Variants in CHD2 observed in about 807,000 individuals in gnomAD.
The protein encoded by CHD2 is ATP-dependent chromatin remodeler CHD2.
A neutral mutation model predicts 243.9 loss-of-function variants in CHD2; 28 were observed. That is an observed-to-expected ratio of 0.11 (90% confidence interval 0.09 to 0.16). CHD2 has a LOEUF of 0.16. CHD2 is among the 10% of genes least tolerant of loss of function. The probability of loss-of-function intolerance (pLI) is 1.00; values close to 1 mark genes in which losing one functional copy is unlikely to be tolerated. For synonymous variants in CHD2, 775 were observed against 779.0 expected (o/e 0.99, Z 0.09); for missense variants, 1,386 against 2,209.8 (o/e 0.63, Z 7.47).
intron 28 of CHD2, among the ~76,000 whole-genome samples, chr15:92,995,068 T>C (rs1182787834): frequency 6.6e-6 from 1 of 152,202 alleles, no homozygotes; most frequent in African/African-American, 2.4e-5. Context: ...CAAATACCAA[T>C]ACCAATCTTA....
At chr15:92,963,257 T>G (rs1343830748) in intron 16 of CHD2, among the ~76,000 whole-genome samples, 1 of 152,234 alleles carries the variant, frequency 6.6e-6, no homozygotes. Context: ...TGTTCCACTT[T>G]CTCCTTTATT....
rs2053017198 is a variant in CHD2, at chr15:92,924,339, A to G, written c.81A>G (p.Glu27=). The change falls in exon 3 of 39, where the codon GAA becomes GAG. Residue 27 remains glutamate (E), a synonymous_variant. Transcript: ENST00000394196. ...SNASSHSASE[E]ASGSDSGSQS... ...AAATAAGTCACTCAGCCTCTGAAGA[A>G]GCTTCGGGTTCAGACTCAGGCAGTC... The G allele has an allele frequency of 6.2e-6, 10 of 1,613,952 alleles. No homozygotes were observed. In the East Asian group the frequency reaches 2.2e-4, roughly 36 times the overall value.
intron 2 of CHD2, among the ~76,000 whole-genome samples, chr15:92,909,163 C>T (rs1181850191): frequency 1.3e-5 from 2 of 151,982 alleles, no homozygotes; most frequent in African/African-American, 4.8e-5. Context: ...TGGGCTTTCT[C>T]CCCTCAAGAT....
At chr15:92,932,534 A>G (rs1375721826) in intron 5 of CHD2, among the ~76,000 whole-genome samples, 2 of 141,904 alleles carry the variant, frequency 1.4e-5, no homozygotes, top group Non-Finnish European at 3.0e-5. Context: ...ATGAGTGAGA[A>G]CGTGCGGTGT....
intron 2 of CHD2, chr15:92,901,716 C>T: frequency 3.1e-6 from 1 of 319,966 alleles, no homozygotes; most frequent in Non-Finnish European, 5.6e-6. Flanking sequence ...AAACTTGTAA[C>T]TGAGGGCCAT....
In CHD2 at chr15:92,967,627, G is replaced by T. The variant is rs878904579; in HGVS notation, c.2189+114G>T. Reference sequence around the variant, plus strand: ...TTTTTTTTTTTGGAGACAGAGTCTCGCGATTCTGCTGCCTCAGCCTACCGA... The same window carrying T: ...TTTTTTTTTTTGGAGACAGAGTCTCTCGATTCTGCTGCCTCAGCCTACCGA... On this transcript the variant is annotated intron_variant, in intron 17 of 38. Coordinates refer to ENST00000394196, the MANE Select transcript of CHD2 (RefSeq NM_001271.4). The T allele has an allele frequency of 3.9e-5, 25 of 636,510 alleles. No homozygotes were observed. The South Asian group carries it at 6.4e-4, about 16-fold the overall frequency. The allele number at this position is 636,510 out of a possible 1,614,324, so 39.4% of individuals were successfully genotyped here. A position where few individuals can be genotyped will look rare whatever the true frequency, so the allele number is the denominator to read the frequency against.
In CHD2 at chr15:92,942,971, A is replaced by G; in HGVS notation, c.955A>G (p.Ser319Gly). 1 of 1,614,168 alleles carries G rather than the reference A, an allele frequency of 6.2e-7. No homozygotes were observed. The highest frequency in any genetic ancestry group is 2.2e-5 in the East Asian group (1 of 44,874). The change falls in exon 9 of 39, where the codon AGC becomes GGC. Residue 319 changes from serine to glycine, a missense_variant. Ser to Gly is a moderately conservative substitution (Grantham distance 56). This residue lies in a region of CHD2 where 200 missense variants were observed against 292.5 expected (regional missense o/e 0.68). Transcript: ENST00000394196. Reference protein sequence around the residue: ...IKWKGWSYIHSTWESEESLQQ... With the variant: ...IKWKGWSYIHGTWESEESLQQ... ...GTGGAAGGGTTGGTCTTACATCCAC[A>G]GCACATGGGAGAGTGAAGAATCCTT...
At chr15:93,019,287 C>T (rs193031228) in intron 37 of CHD2, among the ~76,000 whole-genome samples, 10 of 152,216 alleles carry the variant, frequency 6.6e-5, no homozygotes, top group East Asian at 3.9e-4. Flanking sequence ...GGATATTACT[C>T]GCAGCTGTGA....
chr15:92,981,478 G>A lies in CHD2; in HGVS notation c.3066+21G>A, dbSNP rs370281771. On this transcript the variant is annotated intron_variant, in intron 24 of 38. Coordinates refer to ENST00000394196, the MANE Select transcript of CHD2 (RefSeq NM_001271.4). ...TTAAGGTATGAAGATCTTTGTGGGA[G>A]AGAGTTCTCAGCATTGATTCATTAA... 79 of 1,573,696 alleles carry A rather than the reference G, an allele frequency of 5.0e-5. No homozygotes were observed. The African/African-American group carries it at 9.9e-4, about 20-fold the overall frequency.
At chr15:93,008,314 G>A (rs1490177106) in intron 34 of CHD2, among the ~76,000 whole-genome samples, 1 of 152,184 alleles carries the variant, frequency 6.6e-6, no homozygotes, top group Non-Finnish European at 1.5e-5. Flanking sequence ...CCCGCTCAGA[G>A]GTCCTTTTAT....
At chr15:92,904,691 T>C (rs1394251287) in intron 2 of CHD2, 1 of 1,365,872 alleles carries the variant, frequency 7.3e-7, no homozygotes, top group Non-Finnish European at 9.4e-7. Flanking sequence ...TATTTATAAA[T>C]TTTAAAGGCA....
At chr15:92,982,600 T>A (rs182591802) in intron 24 of CHD2, among the ~76,000 whole-genome samples, 153 of 152,278 alleles carry the variant, frequency 1.0e-3, no homozygotes, top group Non-Finnish European at 1.7e-3. Context: ...ATGGGTTGAT[T>A]CCATGGAGGT....
At chr15:92,938,780 T>C (rs1288972749) in intron 6 of CHD2, among the ~76,000 whole-genome samples, 1 of 152,230 alleles carries the variant, frequency 6.6e-6, no homozygotes, top group East Asian at 1.9e-4. Context: ...TTATCACTGA[T>C]GGAATATTTG....
chr15:92,956,361 C>T lies in CHD2; in HGVS notation c.1810-98C>T, dbSNP rs893905519. ...TGAAGAATAAATGTGTCAATTTATA[C>T]CTTTGTAATGGTATTTATACAGAGA... On this transcript the variant is annotated intron_variant, in intron 15 of 38. Coordinates refer to ENST00000394196, the MANE Select transcript of CHD2 (RefSeq NM_001271.4). 1.8e-5 allele frequency: 15 copies of T among 853,688 alleles called. No individual in the cohort carries two copies. In the Admixed American group the frequency reaches 2.9e-4, roughly 16 times the overall value. The allele number at this position is 853,688 out of a possible 1,614,324, so 52.9% of individuals were successfully genotyped here. A position where few individuals can be genotyped will look rare whatever the true frequency, so the allele number is the denominator to read the frequency against.
chr15:92,945,881 T>C lies in CHD2; in HGVS notation c.1198+16T>C. 3.2e-6 allele frequency: 5 copies of C among 1,566,340 alleles called. No individual in the cohort carries two copies. The highest frequency in any genetic ancestry group is 4.4e-6 in the Non-Finnish European group (5 of 1,149,280). The stretch of plus-strand genomic sequence containing the variant: ...GATTTTCCAGGTAAGCAAGAAATTT[T>C]ATTTATAAATGTTCTTCAACATTTC... On this transcript the variant is annotated intron_variant, in intron 11 of 38. Coordinates refer to ENST00000394196, the MANE Select transcript of CHD2 (RefSeq NM_001271.4).
chr15:92,927,584 A>C (rs539092492), intron 4 of CHD2, among the ~76,000 whole-genome samples: 1 of 152,118 alleles, frequency 6.6e-6, no homozygotes, highest in South Asian at 2.1e-4. Context: ...AAAATGGTTT[A>C]TTTTTTAAGT....
At chr15:92,968,765 T>G (rs2053800954) in intron 17 of CHD2, among the ~76,000 whole-genome samples, 1 of 152,278 alleles carries the variant, frequency 6.6e-6, no homozygotes, top group African/African-American at 2.4e-5. Flanking sequence ...TTGATATGAT[T>G]ATGAACTCAT....
chr15:92,972,626 C>T lies in CHD2; in HGVS notation c.2505+209C>T, dbSNP rs1245978684. Among the ~76,000 whole-genome samples, 4 of 10,894 alleles carry T rather than the reference C, an allele frequency of 3.7e-4. 2 individuals are homozygous for T. The highest frequency in any genetic ancestry group is 9.8e-4 in the Non-Finnish European group (2 of 2,034). The allele number at this position is 10,894 out of a possible 152,430, so 7.1% of individuals were successfully genotyped here. A position where few individuals can be genotyped will look rare whatever the true frequency, so the allele number is the denominator to read the frequency against. On this transcript the variant is annotated intron_variant, in intron 19 of 38. Coordinates refer to ENST00000394196, the MANE Select transcript of CHD2 (RefSeq NM_001271.4). ...CAGCACTTTGGGAGGCCGAGGCGGG[C>T]GGATCACGAGGTCAGGAGATCAAGA...
intron 21 of CHD2, 114 bp downstream of exon 21, chr15:92,978,497 T>C: frequency 1.9e-6 from 2 of 1,053,372 alleles, no homozygotes; most frequent in Admixed American, 2.6e-5. Flanking sequence ...TTATTTCCCC[T>C]GAAGCATTGA....
Sources: allele counts gnomAD v4.1 joint callset (sites outside exome capture counted in the v4.1 genomes callset), GRCh38; gene constraint gnomAD v4.1.1; regional missense constraint gnomAD v4.1.1; transcripts MANE v1.5; gene names NCBI Gene and HGNC (gene_info 2026-07-23, HGNC 2026-07-21).